Variants in PALS2 observed in about 807,000 individuals in gnomAD.
PALS2 encodes protein associated with LIN7 2, MAGUK p55 family member.
A neutral mutation model predicts 61.6 loss-of-function variants in PALS2; 27 were observed. The ratio of observed to expected loss-of-function variants is 0.44; its 90% CI spans 0.32 to 0.60. The LOEUF is 0.60. Among genes scored for constraint, PALS2 ranks in the 20% least tolerant of loss-of-function variants. The probability of loss-of-function intolerance (pLI) is 0.05; values close to 1 mark genes in which losing one functional copy is unlikely to be tolerated. For synonymous variants in PALS2, 236 were observed against 218.6 expected, an observed-to-expected ratio of 1.08 and a Z score of -0.70; for missense variants, 554 against 639.4, an observed-to-expected ratio of 0.87 and a Z score of 1.44.
intron 1 of PALS2, among the ~76,000 whole-genome samples, chr7:24,599,607 T>C (rs535608329): frequency 9.4e-5 from 14 of 149,002 alleles, no homozygotes; most frequent in Admixed American, 8.8e-4. Flanking sequence ...TGGGTTCCAG[T>C]GATTTTCCCG....
rs1165597184 is a variant in PALS2 at position 24,693,413 on chromosome 7, G to C, written c.*5799G>C. Reference sequence around the variant, plus strand: ...CCTAATTAACTAAAACAGGAAAAAAGCATACTCATCTGATGTAAAAACTCA... The same window carrying C: ...CCTAATTAACTAAAACAGGAAAAAACCATACTCATCTGATGTAAAAACTCA... On this transcript the variant is annotated 3_prime_UTR_variant, in exon 12 of 12. Coordinates refer to ENST00000222644, the MANE Select transcript of PALS2 (RefSeq NM_001303037.2). 2 of 152,082 alleles carry C rather than the reference G, an allele frequency of 1.3e-5. No individual in the cohort carries two copies. The highest frequency in any genetic ancestry group is 1.9e-4 in the East Asian group (1 of 5,202). 9.4% of individuals were successfully genotyped at this position (152,082 alleles called of 1,614,324 possible).
intron 1 of PALS2, chr7:24,620,087 A>G (rs1389032651): frequency 6.6e-6 from 1 of 152,188 alleles, no homozygotes; most frequent in East Asian, 1.9e-4. Context: ...AAAATCACGA[A>G]AGTACATTAT....
intron 2 of PALS2, among the ~76,000 whole-genome samples, chr7:24,631,853 G>T (rs928417714): frequency 5.3e-5 from 8 of 152,206 alleles, no homozygotes; most frequent in African/African-American, 1.9e-4. Flanking sequence ...ATTAAGGTAT[G>T]TATATTGTCT....
chr7:24,583,671 T>TA (rs1354568643), intron 1 of PALS2, among the ~76,000 whole-genome samples: 32 of 151,618 alleles, frequency 2.1e-4, no homozygotes, highest in South Asian at 1.7e-3. Flanking sequence ...AATTTTTTTT[T>TA]TTATTATACT....
At chr7:24,638,400 GGCTCACTGCAA>G (rs1236852066) in intron 2 of PALS2, among the ~76,000 whole-genome samples, 5 of 33,662 alleles carry the variant, frequency 1.5e-4, no homozygotes, top group Admixed American at 6.5e-4. Context: ...GCGGGATCTC[GGCTCACTGCAA>G]GCTCCGCCTC....
intron 3 of PALS2, among the ~76,000 whole-genome samples, chr7:24,643,222 T>G (rs1284442050): frequency 6.6e-6 from 1 of 152,132 alleles, no homozygotes; most frequent in African/African-American, 2.4e-5. Context: ...TGTGATACAT[T>G]GGAAGCATCT....
chr7:24,691,928 A>G lies in PALS2; in HGVS notation c.*4314A>G, dbSNP rs568998209. On this transcript the variant is annotated 3_prime_UTR_variant, in exon 12 of 12. Coordinates refer to ENST00000222644, the MANE Select transcript of PALS2 (RefSeq NM_001303037.2). Reference sequence around the variant, plus strand: ...TACAAATGAATACTCACAAAATTTAAGAATACATTTGACTAATAATTGAGC... The same window carrying G: ...TACAAATGAATACTCACAAAATTTAGGAATACATTTGACTAATAATTGAGC... 11 of 152,270 alleles carry G rather than the reference A, an allele frequency of 7.2e-5. No homozygotes were observed. The highest frequency in any genetic ancestry group is 4.6e-4 in the Admixed American group (7 of 15,298). The allele number at this position is 152,270 out of a possible 1,614,324, so 9.4% of individuals were successfully genotyped here. A position where few individuals can be genotyped will look rare whatever the true frequency, so the allele number is the denominator to read the frequency against.
intron 5 of PALS2, among the ~76,000 whole-genome samples, chr7:24,660,183 A>C (rs1377512291): frequency 1.3e-5 from 2 of 152,126 alleles, no homozygotes; most frequent in African/African-American, 4.8e-5. Context: ...TCTGAATCCA[A>C]ATGGGAGTGA....
At chr7:24,672,621 G>C (rs1787358038) in intron 9 of PALS2, among the ~76,000 whole-genome samples, 1 of 152,032 alleles carries the variant, frequency 6.6e-6, no homozygotes, top group African/African-American at 2.4e-5. Context: ...ATATTATGCT[G>C]CTTTTGTCAC....
At chr7:24,652,850 G>T (rs1183948339) in intron 5 of PALS2, among the ~76,000 whole-genome samples, 1 of 152,150 alleles carries the variant, frequency 6.6e-6, no homozygotes, top group East Asian at 1.9e-4. Flanking sequence ...GTCAGTAGAT[G>T]ATCTTTATCA....
At chr7:24,678,296 G>T (rs1787729904) in intron 9 of PALS2, among the ~76,000 whole-genome samples, 1 of 152,104 alleles carries the variant, frequency 6.6e-6, no homozygotes, top group Non-Finnish European at 1.5e-5. Context: ...CAGACAAAAG[G>T]ATCTCCTACT....
chr7:24,632,659 T>G (rs1785049663), intron 2 of PALS2, among the ~76,000 whole-genome samples: 1 of 152,218 alleles, frequency 6.6e-6, no homozygotes. Context: ...AATGCTAGGA[T>G]TACAGGTGTG....
intron 9 of PALS2, among the ~76,000 whole-genome samples, chr7:24,676,517 T>A (rs1366518662): frequency 2.6e-5 from 4 of 152,058 alleles, no homozygotes; most frequent in Non-Finnish European, 5.9e-5. Flanking sequence ...AGGTCTAACG[T>A]TTAAGTCTTT....
chr7:24,666,166 A>T (rs1220335231), intron 8 of PALS2, 77 bp downstream of exon 8: 1 of 1,315,930 alleles, frequency 7.6e-7, no homozygotes, highest in African/African-American at 1.5e-5. Context: ...CTCTGAATAT[A>T]CAGCTTTAAG....
intron 5 of PALS2, among the ~76,000 whole-genome samples, chr7:24,661,090 T>C (rs55819702): frequency 0.069 from 10,525 of 152,200 alleles, 448 homozygotes; most frequent in African/African-American, 0.11. Flanking sequence ...AGGTGGTGTT[T>C]AGTTAATGAT....
At chr7:24,608,767 T>C (rs1784014635) in intron 1 of PALS2, among the ~76,000 whole-genome samples, 1 of 152,084 alleles carries the variant, frequency 6.6e-6, no homozygotes, top group African/African-American at 2.4e-5. Context: ...CATGCCCAGC[T>C]AACTAATTTA....
At chr7:24,577,813 C>T (rs1782694597) in intron 1 of PALS2, among the ~76,000 whole-genome samples, 1 of 152,118 alleles carries the variant, frequency 6.6e-6, no homozygotes, top group African/African-American at 2.4e-5. Flanking sequence ...CCCCTCAATC[C>T]CATTACCTTT....
intron 5 of PALS2, among the ~76,000 whole-genome samples, chr7:24,658,782 C>G (rs1405162084): frequency 6.6e-6 from 1 of 151,864 alleles, no homozygotes; most frequent in Non-Finnish European, 1.5e-5. Flanking sequence ...GTCTCGATCT[C>G]TTGATCTCGT....
intron 3 of PALS2, among the ~76,000 whole-genome samples, chr7:24,643,129 C>G (rs1024105482): frequency 1.3e-5 from 2 of 152,174 alleles, no homozygotes; most frequent in South Asian, 2.1e-4. Context: ...ATGACTTAAA[C>G]GATGGCTGTT....
Sources: gnomAD v4.1 joint callset for allele counts (sites outside exome capture counted in the v4.1 genomes callset) on GRCh38, gnomAD v4.1.1 for gene constraint, MANE v1.5 for transcripts, NCBI Gene and HGNC (gene_info 2026-07-23, HGNC 2026-07-21) for gene names.